TTC6: variants seen among roughly 807,000 people sequenced by gnomAD.
TTC6 encodes the protein tetratricopeptide repeat protein 6.
Under a neutral mutation model 210.4 loss-of-function variants are expected in TTC6, and 172 were observed. That is an observed-to-expected ratio of 0.82 (90% CI 0.72 to 0.93). The LOEUF (loss-of-function observed/expected upper bound fraction) is 0.93. Among genes scored for constraint, TTC6 ranks in the 40% least tolerant of loss-of-function variants. The pLI, the probability that TTC6 is intolerant of heterozygous loss-of-function variation, is 0.00. For synonymous variants in TTC6, 804 were observed against 819.6 expected (o/e 0.98, Z 0.32); for missense variants, 2,414 against 2,318.1 (o/e 1.04, Z -0.85).
At chr14:37,836,708 C>A (rs146937720) in intron 29 of TTC6, among the ~76,000 whole-genome samples, 1 of 152,170 alleles carries the variant, frequency 6.6e-6, no homozygotes, top group African/African-American at 2.4e-5. Context: ...GCTATTCTAG[C>A]ATGCTTTGAG....
At chr14:37,729,283 T>C (rs769401828) in intron 7 of TTC6, among the ~76,000 whole-genome samples, 5 of 152,328 alleles carry the variant, frequency 3.3e-5, no homozygotes, top group Middle Eastern at 6.8e-3. Context: ...GTTAATGATA[T>C]AAAGTGTATT....
exon 30 of TTC6, chr14:37,841,615 A>G: frequency 6.2e-7 from 1 of 1,604,412 alleles, no homozygotes; most frequent in Non-Finnish European, 8.5e-7. Context: ...TTAATAGAGC[A>G]CATTTCTACT....
Position 37,796,830 on chromosome 14 carries a change from A to C in TTC6, c.3912A>C (p.Ser1304=), listed in dbSNP as rs2096093756. 1.9e-6 allele frequency: 3 copies of C among 1,609,360 alleles called. No homozygotes were observed. The South Asian group carries it at 3.3e-5, about 18-fold the overall frequency. The change falls in exon 20 of 31, where the codon TCA becomes TCC. Residue 1304 remains serine, a synonymous_variant. Transcript: ENST00000553443. ...CTATGCAGCAAGCCCTTATTTATTC[A>C]TTTTGTGAAAACCATGACAAGGCCA...
chr14:37,652,945 A>G (rs2139430071), intron 1 of TTC6, among the ~76,000 whole-genome samples: 1 of 152,212 alleles, frequency 6.6e-6, no homozygotes, highest in East Asian at 1.9e-4. Flanking sequence ...ACAGTTCATG[A>G]TTGCAAGGTT....
chr14:37,706,963 A>G (rs2095836747), intron 5 of TTC6, among the ~76,000 whole-genome samples: 1 of 151,804 alleles, frequency 6.6e-6, no homozygotes, highest in Non-Finnish European at 1.5e-5. Context: ...TTGTCCTATC[A>G]GATGTACTTG....
chr14:37,658,959 T>A (rs550824717), intron 1 of TTC6, among the ~76,000 whole-genome samples: 5 of 152,240 alleles, frequency 3.3e-5, no homozygotes, highest in Admixed American at 3.3e-4. Flanking sequence ...CAGTATCTGT[T>A]GCTCCCTTGT....
At chr14:37,816,285 C>A (rs1203194314) in intron 25 of TTC6, among the ~76,000 whole-genome samples, 1 of 152,126 alleles carries the variant, frequency 6.6e-6, no homozygotes, top group Non-Finnish European at 1.5e-5. Flanking sequence ...TCTTCCACCC[C>A]CAATAACAGC....
chr14:37,693,979 A>AAAACAAAC (rs57428441), intron 3 of TTC6, among the ~76,000 whole-genome samples: 2,963 of 150,474 alleles, frequency 0.02, 102 homozygotes, highest in African/African-American at 0.069. Context: ...AACTACCACA[A>AAAACAAAC]AAACAAACAA....
intron 7 of TTC6, among the ~76,000 whole-genome samples, chr14:37,726,216 G>C (rs2095872795): frequency 6.6e-6 from 1 of 151,882 alleles, no homozygotes; most frequent in South Asian, 2.1e-4. Flanking sequence ...TATCAGAAAA[G>C]GATAAAACAA....
At chr14:37,722,473 G>A (rs533869733) in intron 6 of TTC6, among the ~76,000 whole-genome samples, 1 of 152,210 alleles carries the variant, frequency 6.6e-6, no homozygotes, top group African/African-American at 2.4e-5. Context: ...TCAGCCTCCT[G>A]AGTAGCTAGG....
intron 1 of TTC6, among the ~76,000 whole-genome samples, chr14:37,601,084 A>T (rs1383329455): frequency 6.6e-6 from 1 of 152,156 alleles, no homozygotes; most frequent in Non-Finnish European, 1.5e-5. Context: ...GCCTACCAGA[A>T]TCATGGATCA....
chr14:37,742,238 C>A (rs768621259), intron 10 of TTC6, among the ~76,000 whole-genome samples: 1 of 152,192 alleles, frequency 6.6e-6, no homozygotes, highest in Non-Finnish European at 1.5e-5. Context: ...TCTTAACTCA[C>A]TTGACCTGCT....
At chr14:37,767,387 A>G (rs569088213) in intron 14 of TTC6, among the ~76,000 whole-genome samples, 1 of 152,298 alleles carries the variant, frequency 6.6e-6, no homozygotes, top group East Asian at 1.9e-4. Context: ...TGACTTCCAC[A>G]ATGGTTGAAC....
chr14:37,817,774 G>A (rs565393482), intron 26 of TTC6, 123 bp downstream of exon 28: 2 of 931,124 alleles, frequency 2.1e-6, no homozygotes, highest in Admixed American at 2.3e-5. Context: ...ATGTTATAGA[G>A]TACAAAAATG....
At chr14:37,719,514 A>G (rs1041106542) in intron 6 of TTC6, among the ~76,000 whole-genome samples, 2 of 152,174 alleles carry the variant, frequency 1.3e-5, no homozygotes, top group Non-Finnish European at 1.5e-5. Context: ...CTGTAGATCA[A>G]TGGGACAGAG....
chr14:37,747,854 AG>A (rs930109689), intron 10 of TTC6, among the ~76,000 whole-genome samples: 4 of 152,234 alleles, frequency 2.6e-5, no homozygotes, highest in Admixed American at 2.0e-4. Flanking sequence ...AGGGCTGAAA[AG>A]GGCAATGGCC....
rs1032089196 is a variant in TTC6, at chr14:37,842,050, T to C, written c.5525-105T>C. The stretch of plus-strand genomic sequence containing the variant: ...GTATTAAAGTTCTTGATTTCATCCA[T>C]TGAGTTAATTTTTTTAAAAGTTCTT... On this transcript the variant is annotated intron_variant, in intron 30 of 30. Coordinates refer to ENST00000553443, the Ensembl canonical transcript of TTC6. 12 of 1,003,566 alleles carry C rather than the reference T, an allele frequency of 1.2e-5. No homozygotes were observed. In the African/African-American group the frequency reaches 1.3e-4, roughly 11 times the overall value. 62.2% of individuals were successfully genotyped at this position (1,003,566 alleles called of 1,614,324 possible).
intron 10 of TTC6, among the ~76,000 whole-genome samples, chr14:37,747,316 A>C (rs916449367): frequency 6.6e-6 from 1 of 152,206 alleles, no homozygotes; most frequent in Non-Finnish European, 1.5e-5. Context: ...CCAATCACAA[A>C]CACCACTCAG....
chr14:37,595,639 G>C (rs973092134), upstream of TTC6, among the ~76,000 whole-genome samples: 1 of 152,130 alleles, frequency 6.6e-6, no homozygotes, highest in Non-Finnish European at 1.5e-5. Context: ...GGAGAAGGCC[G>C]GGGGCGGTGG....
Sources: allele counts gnomAD v4.1 joint callset (sites outside exome capture counted in the v4.1 genomes callset), GRCh38; gene constraint gnomAD v4.1.1; transcripts MANE v1.5; gene names NCBI Gene and HGNC (gene_info 2026-07-23, HGNC 2026-07-21).